Variants in ACACA observed in about 807,000 individuals in gnomAD.
ACACA encodes the protein acetyl-CoA carboxylase 1.
A neutral mutation model predicts 296.1 loss-of-function variants in ACACA; 103 were observed. The ratio of observed to expected loss-of-function variants is 0.35; its 90% CI spans 0.30 to 0.41. The LOEUF (loss-of-function observed/expected upper bound fraction) is 0.41, where lower values mean the gene tolerates loss of function less well. Among genes scored for constraint, ACACA ranks in the 10% least tolerant of loss-of-function variants. The pLI is 1.00. For synonymous variants in ACACA, 953 were observed against 1,038.6 expected, an observed-to-expected ratio of 0.92 and a Z score of 1.58; for missense variants, 1,554 against 2,989.7, an observed-to-expected ratio of 0.52 and a Z score of 11.20.
intron 3 of ACACA, among the ~76,000 whole-genome samples, chr17:37,325,280 T>C (rs913229103): frequency 2.1e-4 from 32 of 150,206 alleles, no homozygotes; most frequent in Non-Finnish European, 4.1e-4. Context: ...GGAGGAGAAT[T>C]GCTTGAAACC....
rs60487601 is a variant in ACACA at position 37,218,147 on chromosome 17, C to CAAAAA, written c.3683+3572_3683+3576dup. Among the ~76,000 whole-genome samples, 34 of 116,478 alleles carry CAAAAA rather than the reference C, an allele frequency of 2.9e-4. 1 individual carries two copies. Among genetic ancestry groups the CAAAAA allele is most frequent in the Middle Eastern group, 4.9e-3 (1 of 204 alleles). The allele number at this position is 116,478 out of a possible 152,430, so 76.4% of individuals were successfully genotyped here. A position where few individuals can be genotyped will look rare whatever the true frequency, so the allele number is the denominator to read the frequency against. ...CTCTCTCCACGGGCACTACCAGTAA[C>CAAAAA]AAAAAAAAAAAAAAAAAAAAGAGGG... On this transcript the variant is annotated intron_variant, in intron 29 of 55. Coordinates refer to ENST00000616317, the MANE Select transcript of ACACA (RefSeq NM_198834.3).
At chr17:37,228,781 C>G (rs542384415) in intron 25 of ACACA, among the ~76,000 whole-genome samples, 2 of 152,240 alleles carry the variant, frequency 1.3e-5, no homozygotes, top group East Asian at 3.9e-4. Context: ...GGTAATGCCA[C>G]AACTCGACTC....
intron 14 of ACACA, 80 bp from the exon 15 acceptor site, chr17:37,253,116 G>T: frequency 6.3e-7 from 1 of 1,599,360 alleles, no homozygotes; most frequent in South Asian, 1.1e-5. Flanking sequence ...GTTTGGCCAG[G>T]CATGGTGGCT....
Position 37,245,110 on chromosome 17 carries a change from C to A in ACACA, c.2565G>T (p.Met855Ile). 1 of 1,614,070 alleles carries A rather than the reference C, an allele frequency of 6.2e-7. No individual in the cohort carries two copies. Among genetic ancestry groups the A allele is most frequent in the East Asian group, 2.2e-5 (1 of 44,900 alleles). The change falls in exon 20 of 56, where the codon ATG becomes ATT. Residue 855 changes from methionine to isoleucine, a missense_variant. Around this residue, in one of 16 missense-constraint regions of ACACA, gnomAD observed 316 missense variants for 540.9 expected, o/e 0.58. Transcript: ENST00000616317. ...GAACCTTGCTGGGGTTGTCCAGTTGCATTTTGGCTAGTACACAGCCAGGGT... is the reference window on the plus strand; with the variant it reads ...GAACCTTGCTGGGGTTGTCCAGTTGAATTTTGGCTAGTACACAGCCAGGGT... ...ALDPGCVLAKMQLDNPSKVQQ... is the reference protein window; with the variant it reads ...ALDPGCVLAKIQLDNPSKVQQ...
chr17:37,271,297 C>T (rs1407670853), intron 9 of ACACA, among the ~76,000 whole-genome samples: 4 of 152,192 alleles, frequency 2.6e-5, no homozygotes, highest in Non-Finnish European at 5.9e-5. Flanking sequence ...GGGCGGATCA[C>T]CTGAGGTCGG....
At chr17:37,383,742 C>T (rs1257572523) in intron 1 of ACACA, among the ~76,000 whole-genome samples, 1 of 152,088 alleles carries the variant, frequency 6.6e-6, no homozygotes, top group African/African-American at 2.4e-5. Context: ...TAGGGTTTTG[C>T]CATTTTGGCC....
intron 23 of ACACA, among the ~76,000 whole-genome samples, chr17:37,240,903 T>C (rs556596542): frequency 2.9e-4 from 44 of 152,114 alleles, no homozygotes; most frequent in Non-Finnish European, 5.4e-4. Context: ...GTTAAAAGTG[T>C]TCTGTGAGGC....
At chr17:37,350,645 G>A (rs1422446867) in intron 1 of ACACA, among the ~76,000 whole-genome samples, 6 of 152,134 alleles carry the variant, frequency 3.9e-5, no homozygotes, top group Admixed American at 2.6e-4. Flanking sequence ...TTTGAGAACA[G>A]CCTGACCAAC....
At chr17:37,089,581 C>G (rs1165232599) in intron 54 of ACACA, among the ~76,000 whole-genome samples, 1 of 152,168 alleles carries the variant, frequency 6.6e-6, no homozygotes, top group Non-Finnish European at 1.5e-5. Flanking sequence ...TGAAATAGAG[C>G]CCACTGTCTT....
In ACACA at chr17:37,252,085, C is replaced by T; in HGVS notation, c.2001G>A (p.Leu667=). The change falls in exon 16 of 56, where the codon TTG becomes TTA. Residue 667 remains leucine (L), a synonymous_variant. Transcript: ENST00000616317. ...KVQAERPDTM[L]GVVCGALHVA... ...CGTGGAGGGCACCACACACAACCCCCAACATGGTGTCAGGTCGCTCAGCCT... is the reference window on the plus strand; with the variant it reads ...CGTGGAGGGCACCACACACAACCCCTAACATGGTGTCAGGTCGCTCAGCCT... The T allele has an allele frequency of 6.2e-7, 1 of 1,614,194 alleles. No homozygotes were observed. Among genetic ancestry groups the T allele is most frequent in the Non-Finnish European group, 8.5e-7 (1 of 1,180,022 alleles).
intron 1 of ACACA, among the ~76,000 whole-genome samples, chr17:37,362,244 A>G (rs1447259726): frequency 6.6e-6 from 1 of 152,184 alleles, no homozygotes; most frequent in East Asian, 1.9e-4. Flanking sequence ...CTTTGCTATA[A>G]CAGCCCTAGA....
Position 37,320,957 on chromosome 17 carries a change from GA to G in ACACA, c.338+9215del, listed in dbSNP as rs935702702. On this transcript the variant is annotated intron_variant, in intron 3 of 55. Coordinates refer to ENST00000616317, the MANE Select transcript of ACACA (RefSeq NM_198834.3). ...GTGAGACTCCATCTCAAAAAAAAAA[GA>G]AAAAAAAAAATTGTGGGAAATAATA... Among the ~76,000 whole-genome samples, 692 of 142,912 alleles carry G rather than the reference GA, an allele frequency of 4.8e-3. 6 individuals are homozygous for G. The highest frequency in any genetic ancestry group is 0.014 in the African/African-American group (558 of 39,120). 93.8% of individuals were successfully genotyped at this position (142,912 alleles called of 152,430 possible). A position where few individuals can be genotyped will look rare whatever the true frequency, so the allele number is the denominator to read the frequency against.
chr17:37,315,443 T>C (rs1003392730), intron 3 of ACACA, among the ~76,000 whole-genome samples: 60 of 152,288 alleles, frequency 3.9e-4, no homozygotes, highest in African/African-American at 1.3e-3. Context: ...CACAATTGAA[T>C]TCTTATATTA....
intron 2 of ACACA, among the ~76,000 whole-genome samples, chr17:37,338,277 A>T (rs2048225480): frequency 6.6e-6 from 1 of 151,402 alleles, no homozygotes; most frequent in Non-Finnish European, 1.5e-5. Context: ...TTGCTGTCTA[A>T]ATTTACTATA....
At chr17:37,145,404 C>A (rs751566425) in intron 45 of ACACA, among the ~76,000 whole-genome samples, 2 of 152,164 alleles carry the variant, frequency 1.3e-5, no homozygotes, top group Non-Finnish European at 2.9e-5. Context: ...GAATCTGTCA[C>A]CCACAGCCTA....
chr17:37,367,359 C>T (rs927920488), intron 1 of ACACA, among the ~76,000 whole-genome samples: 1 of 151,920 alleles, frequency 6.6e-6, no homozygotes. Flanking sequence ...GCAAGCAAAA[C>T]TGAGAAGAAC....
intron 45 of ACACA, among the ~76,000 whole-genome samples, chr17:37,130,840 T>C (rs965893386): frequency 6.6e-6 from 1 of 152,102 alleles, no homozygotes; most frequent in African/African-American, 2.4e-5. Flanking sequence ...AAGTCTCAGT[T>C]AAAGAAACTC....
intron 33 of ACACA, among the ~76,000 whole-genome samples, chr17:37,204,412 T>C (rs1324740951): frequency 6.6e-6 from 1 of 152,202 alleles, no homozygotes; most frequent in Non-Finnish European, 1.5e-5. Flanking sequence ...GCTGGTGACC[T>C]AGGGGTCTTA....
chr17:37,265,486 A>G (rs567682836), intron 10 of ACACA, among the ~76,000 whole-genome samples: 2 of 152,158 alleles, frequency 1.3e-5, no homozygotes, highest in Non-Finnish European at 2.9e-5. Context: ...CTCCTCAGGT[A>G]CAGTTTCTCT....
Sources: allele counts gnomAD v4.1 joint callset (sites outside exome capture counted in the v4.1 genomes callset), GRCh38; gene constraint gnomAD v4.1.1; regional missense constraint gnomAD v4.1.1; transcripts MANE v1.5; gene names NCBI Gene and HGNC (gene_info 2026-07-23, HGNC 2026-07-21).